Variants in C10orf143 observed in about 807,000 individuals in gnomAD.
C10orf143 encodes uncharacterized protein C10orf143.
In C10orf143 at chr10:130,092,650, G is replaced by A. The variant is rs187570059; in HGVS notation, c.70-12749C>T. 3.4e-3 allele frequency among the ~76,000 whole-genome samples: 516 copies of A among 152,108 alleles called. 6 individuals are homozygous for A. The highest frequency in any genetic ancestry group is 0.011 in the African/African-American group (473 of 41,486). Reference sequence around the variant, plus strand: ...ACTGGATAAAGAGTCAAGACCCATCGGTGTGCTGTATTCAGGAGACCCATC... The same window carrying A: ...ACTGGATAAAGAGTCAAGACCCATCAGTGTGCTGTATTCAGGAGACCCATC... On this transcript the variant is annotated intron_variant, in intron 1 of 3. Transcript: ENST00000637128.
intron 3 of C10orf143, among the ~76,000 whole-genome samples, chr10:130,074,995 C>T (rs947706937): frequency 6.6e-6 from 1 of 151,910 alleles, no homozygotes; most frequent in African/African-American, 2.4e-5. Flanking sequence ...ATATATACCA[C>T]ACACACAAAT....
At chr10:130,057,412 C>T (rs1051860218) in intron 3 of C10orf143, among the ~76,000 whole-genome samples, 8 of 152,158 alleles carry the variant, frequency 5.3e-5, no homozygotes, top group South Asian at 4.1e-4. Context: ...TGCACTAGGA[C>T]CACCCTGTCT....
chr10:130,066,769 A>C (rs925533987), intron 3 of C10orf143: 1 of 151,944 alleles, frequency 6.6e-6, no homozygotes, highest in African/African-American at 2.4e-5. Context: ...CCCAATCTAG[A>C]CTGGGGCTGG....
At chr10:130,097,634 G>T (rs1454393895) in intron 1 of C10orf143, among the ~76,000 whole-genome samples, 2 of 152,178 alleles carry the variant, frequency 1.3e-5, no homozygotes, top group African/African-American at 4.8e-5. Context: ...CGGTACCTAT[G>T]TGAATTTTCA....
chr10:130,080,832 G>A (rs1301209305), intron 1 of C10orf143, among the ~76,000 whole-genome samples: 1 of 152,160 alleles, frequency 6.6e-6, no homozygotes, highest in Non-Finnish European at 1.5e-5. Flanking sequence ...GAAACCTTAT[G>A]ACAGACTAGA....
At chr10:130,037,001 G>A (rs1860552255) in intron 3 of C10orf143, among the ~76,000 whole-genome samples, 1 of 152,168 alleles carries the variant, frequency 6.6e-6, no homozygotes, top group Non-Finnish European at 1.5e-5. Flanking sequence ...AGGTGACAGT[G>A]TGCACTATGG....
At chr10:130,091,945 G>A (rs964454772) in intron 1 of C10orf143, among the ~76,000 whole-genome samples, 2 of 152,172 alleles carry the variant, frequency 1.3e-5, no homozygotes, top group Non-Finnish European at 2.9e-5. Flanking sequence ...TTTGACTAGT[G>A]TACCTGAAAG....
intron 3 of C10orf143, among the ~76,000 whole-genome samples, chr10:130,072,486 ATCTT>A (rs2134755930): frequency 6.6e-6 from 1 of 152,242 alleles, no homozygotes; most frequent in South Asian, 2.1e-4. Flanking sequence ...ATCCAGCTCT[ATCTT>A]CTAATTCACT....
rs747265689 is a variant in C10orf143, at chr10:130,108,296, G to A, written c.69+2408C>T. Reference sequence around the variant, plus strand: ...ACATGCTCCGTTTGCAATGAGAAATGTCTATCCACCGAGGGGTTTTCCTCC... The same window carrying A: ...ACATGCTCCGTTTGCAATGAGAAATATCTATCCACCGAGGGGTTTTCCTCC... On this transcript the variant is annotated intron_variant, in intron 1 of 3. Coordinates refer to ENST00000637128, the MANE Select transcript of C10orf143 (RefSeq NM_001355042.2). The A allele has an allele frequency of 2.2e-5, 35 of 1,568,560 alleles. No homozygotes were observed. The East Asian group carries it at 7.9e-4, about 35-fold the overall frequency.
chr10:130,073,643 T>C (rs899074509), intron 3 of C10orf143, among the ~76,000 whole-genome samples: 5 of 151,982 alleles, frequency 3.3e-5, no homozygotes, highest in Non-Finnish European at 5.9e-5. Flanking sequence ...AGAGTCTACC[T>C]TGAGTCTCTG....
In C10orf143 at chr10:130,093,198, C is replaced by T. The variant is rs11527786; in HGVS notation, c.70-13297G>A. Among the ~76,000 whole-genome samples the T allele has an allele frequency of 6.5e-3, 982 of 152,160 alleles. 55 individuals are homozygous for T. The East Asian group carries it at 0.13, about 20-fold the overall frequency. ...ACATTCCTCAGCAAACGCAAAAGAACGGAAATCAAAACAGTCTCTCAGACC... is the reference window on the plus strand; with the variant it reads ...ACATTCCTCAGCAAACGCAAAAGAATGGAAATCAAAACAGTCTCTCAGACC... On this transcript the variant is annotated intron_variant, in intron 1 of 3. Coordinates refer to ENST00000637128, the MANE Select transcript of C10orf143 (RefSeq NM_001355042.2).
intron 1 of C10orf143, among the ~76,000 whole-genome samples, chr10:130,083,507 A>G (rs1861240578): frequency 6.6e-6 from 1 of 152,202 alleles, no homozygotes; most frequent in Non-Finnish European, 1.5e-5. Context: ...CCTACACTGG[A>G]GAGTGGTTGG....
chr10:130,064,251 G>C lies in C10orf143; in HGVS notation c.*103C>G, dbSNP rs979987803. On this transcript the variant is annotated 3_prime_UTR_variant, in exon 4 of 4. Transcript: ENST00000637128. Reference sequence around the variant, plus strand: ...CACAGAGGACACCGGGCTGCTATTTGAACAGGTAAGTCCCCAAACCCATCT... The same window carrying C: ...CACAGAGGACACCGGGCTGCTATTTCAACAGGTAAGTCCCCAAACCCATCT... 1.1e-4 allele frequency: 42 copies of C among 396,472 alleles called. No individual in the cohort carries two copies. Among genetic ancestry groups the C allele is most frequent in the Admixed American group, 4.4e-5 (1 of 22,654 alleles). 24.6% of individuals were successfully genotyped at this position (396,472 alleles called of 1,614,324 possible).
intron 3 of C10orf143, among the ~76,000 whole-genome samples, chr10:130,078,265 A>G (rs1212722445): frequency 6.6e-6 from 1 of 152,196 alleles, no homozygotes; most frequent in Non-Finnish European, 1.5e-5. Flanking sequence ...AAGAATCTGT[A>G]CTACATTCCA....
At chr10:130,108,220 G>A in intron 1 of C10orf143, 2 of 1,555,070 alleles carry the variant, frequency 1.3e-6, no homozygotes, top group East Asian at 2.3e-5. Context: ...CAGGAACCAG[G>A]TTTGGAGCTT....
At chr10:130,044,712 A>G (rs1048653018) in intron 3 of C10orf143, among the ~76,000 whole-genome samples, 7 of 152,162 alleles carry the variant, frequency 4.6e-5, no homozygotes, top group Admixed American at 4.6e-4. Flanking sequence ...AAGGGAAATC[A>G]TGAACCAGAT....
intron 1 of C10orf143, among the ~76,000 whole-genome samples, chr10:130,084,329 A>T (rs1055376841): frequency 3.4e-5 from 5 of 148,436 alleles, no homozygotes; most frequent in African/African-American, 1.2e-4. Context: ...GAAAAAAAAA[A>T]CTATTTTGAC....
chr10:130,106,411 A>G (rs1861648465), intron 1 of C10orf143: 2 of 1,602,816 alleles, frequency 1.2e-6, no homozygotes, highest in Admixed American at 1.7e-5. Flanking sequence ...AGGCGGCAGC[A>G]GAAGCACGAA....
intron 3 of C10orf143, among the ~76,000 whole-genome samples, chr10:130,071,913 C>T (rs541223421): frequency 2.6e-5 from 4 of 152,286 alleles, no homozygotes; most frequent in Admixed American, 6.5e-5. Flanking sequence ...CATGAGCCAC[C>T]GCGCCTGGCC....
Sources: gnomAD v4.1 joint callset for allele counts (sites outside exome capture counted in the v4.1 genomes callset) on GRCh38, gnomAD v4.1.1 for gene constraint, MANE v1.5 for transcripts, NCBI Gene and HGNC (gene_info 2026-07-23, HGNC 2026-07-21) for gene names.